Variants in CADPS observed in about 807,000 individuals in gnomAD.
CADPS encodes the protein calcium dependent secretion activator.
A neutral mutation model predicts 167.3 loss-of-function variants in CADPS; 57 were observed. The ratio of observed to expected loss-of-function variants is 0.34; its 90% CI spans 0.28 to 0.42. CADPS has a LOEUF of 0.42. Ranked by LOEUF, CADPS falls within the 20% of genes least tolerant of loss-of-function variation. CADPS has a pLI of 1.00. For missense variants in CADPS, 1,414 were observed against 1,738.1 expected, an observed-to-expected ratio of 0.81 and a Z score of 3.32; for synonymous variants, 676 against 635.3, an observed-to-expected ratio of 1.06 and a Z score of -0.96.
intron 28 of CADPS, among the ~76,000 whole-genome samples, chr3:62,416,427 T>C (rs1220232480): frequency 6.6e-6 from 1 of 152,206 alleles, no homozygotes; most frequent in Admixed American, 6.5e-5. Context: ...TGTCTTTTTA[T>C]TTATTTAAAC....
chr3:62,416,097 C>T (rs1019713382), intron 28 of CADPS, among the ~76,000 whole-genome samples: 2 of 152,066 alleles, frequency 1.3e-5, no homozygotes, highest in African/African-American at 2.4e-5. Context: ...GTCAGAAATA[C>T]CCATTTGCCT....
chr3:62,415,373 C>T (rs1360032851), intron 28 of CADPS, among the ~76,000 whole-genome samples: 4 of 152,004 alleles, frequency 2.6e-5, no homozygotes, highest in Non-Finnish European at 4.4e-5. Context: ...ACCTCCTGTT[C>T]CTTGCCATGA....
chr3:62,743,933 T>C (rs1023894681), intron 3 of CADPS, among the ~76,000 whole-genome samples: 2 of 152,194 alleles, frequency 1.3e-5, no homozygotes, highest in Admixed American at 6.5e-5. Context: ...TCCTAGAGTC[T>C]AGACAGGATC....
intron 6 of CADPS, among the ~76,000 whole-genome samples, chr3:62,632,470 G>T (rs1006486351): frequency 6.6e-6 from 1 of 152,058 alleles, no homozygotes; most frequent in African/African-American, 2.4e-5. Flanking sequence ...AGACTTTTTA[G>T]CGGTTTTATC....
intron 3 of CADPS, among the ~76,000 whole-genome samples, chr3:62,746,558 G>A (rs1433341466): frequency 2.6e-5 from 4 of 152,162 alleles, no homozygotes; most frequent in Middle Eastern, 6.8e-3. Flanking sequence ...GGCTGTTCTC[G>A]AACTTCTGGC....
At chr3:62,849,702 C>T (rs141084462) in intron 1 of CADPS, among the ~76,000 whole-genome samples, 46,069 of 138,158 alleles carry the variant, frequency 0.33, 9,470 homozygotes, top group East Asian at 0.47. Context: ...AGGATTTTTG[C>T]ATCAATGTTC....
At chr3:62,845,491 T>G (rs2077270092) in intron 1 of CADPS, among the ~76,000 whole-genome samples, 2 of 152,210 alleles carry the variant, frequency 1.3e-5, no homozygotes, top group Non-Finnish European at 2.9e-5. Flanking sequence ...AATAAAGTTA[T>G]GAGGCCCACA....
At chr3:62,461,620 A>T (rs934180959) in intron 26 of CADPS, among the ~76,000 whole-genome samples, 1 of 152,182 alleles carries the variant, frequency 6.6e-6, no homozygotes, top group Non-Finnish European at 1.5e-5. Context: ...TGGCTAATGC[A>T]GCTGCTATTT....
intron 13 of CADPS, among the ~76,000 whole-genome samples, chr3:62,519,868 T>C (rs2070020534): frequency 6.6e-6 from 1 of 152,150 alleles, no homozygotes; most frequent in South Asian, 2.1e-4. Flanking sequence ...CCACAAAACA[T>C]GTGATGCTTT....
chr3:62,801,479 C>A (rs1367703701), intron 1 of CADPS, among the ~76,000 whole-genome samples: 1 of 152,090 alleles, frequency 6.6e-6, no homozygotes. Flanking sequence ...CCCAGATAAT[C>A]TTGTCTTTCC....
intron 6 of CADPS, among the ~76,000 whole-genome samples, chr3:62,615,900 C>A (rs1284013835): frequency 6.6e-6 from 1 of 152,168 alleles, no homozygotes; most frequent in South Asian, 2.1e-4. Flanking sequence ...GACAACCCTG[C>A]AACCTTCTGA....
intron 17 of CADPS, among the ~76,000 whole-genome samples, chr3:62,510,661 A>C (rs2067606200): frequency 6.6e-6 from 1 of 152,146 alleles, no homozygotes; most frequent in South Asian, 2.1e-4. Flanking sequence ...TTCTTAAAGC[A>C]TAGTCTGACT....
In CADPS at chr3:62,869,033, G is replaced by C. The variant is rs115462025; in HGVS notation, c.441+5556C>G. On this transcript the variant is annotated intron_variant, in intron 1 of 29. Transcript: ENST00000383710. ...TTATCCTCAGTGCTTGAGAGCAGAAGTGTTTTGAATTTTTAAAGGATTTTA... is the reference window on the plus strand; with the variant it reads ...TTATCCTCAGTGCTTGAGAGCAGAACTGTTTTGAATTTTTAAAGGATTTTA... Among the ~76,000 whole-genome samples the C allele has an allele frequency of 8.8e-3, 1,344 of 152,180 alleles. 8 individuals carry two copies. Among genetic ancestry groups the C allele is most frequent in the Middle Eastern group, 0.071 (21 of 294 alleles).
rs113834537 is a variant in CADPS, at chr3:62,713,688, T to A, written c.888+39753A>T. Among the ~76,000 whole-genome samples, 31 of 152,274 alleles carry A rather than the reference T, an allele frequency of 2.0e-4. 1 individual carries two copies. The highest frequency in any genetic ancestry group is 7.2e-4 in the African/African-American group (30 of 41,556). Reference sequence around the variant, plus strand: ...GCTTGCCATTGAATTCTTTTCTGGGTGAAGCCAAGACCCCTCCTGGGCTAA... The same window carrying A: ...GCTTGCCATTGAATTCTTTTCTGGGAGAAGCCAAGACCCCTCCTGGGCTAA... On this transcript the variant is annotated intron_variant, in intron 3 of 29. Transcript: ENST00000383710.
chr3:62,748,717 A>AT (rs1027404249), intron 3 of CADPS, among the ~76,000 whole-genome samples: 1 of 151,968 alleles, frequency 6.6e-6, no homozygotes, highest in Non-Finnish European at 1.5e-5. Flanking sequence ...TCACTTAAAA[A>AT]TTTTTTTTGA....
chr3:62,608,359 G>A (rs1370443681), intron 6 of CADPS, among the ~76,000 whole-genome samples: 3 of 150,768 alleles, frequency 2.0e-5, no homozygotes, highest in Non-Finnish European at 2.9e-5. Context: ...CTCGGCTCAC[G>A]TCAACCTCCA....
intron 3 of CADPS, among the ~76,000 whole-genome samples, chr3:62,715,895 G>A (rs1387863818): frequency 4.1e-5 from 6 of 147,880 alleles, no homozygotes; most frequent in African/African-American, 7.5e-5. Flanking sequence ...ACAGGCACCC[G>A]CCACCACACC....
At chr3:62,402,538 C>T (rs554840792) in intron 29 of CADPS, among the ~76,000 whole-genome samples, 14 of 152,308 alleles carry the variant, frequency 9.2e-5, no homozygotes, top group Admixed American at 8.5e-4. Context: ...GAAAAAGCTA[C>T]TTTCAGGGTA....
intron 1 of CADPS, among the ~76,000 whole-genome samples, chr3:62,822,817 G>A (rs772333373): frequency 1.3e-5 from 2 of 152,074 alleles, no homozygotes; most frequent in Non-Finnish European, 2.9e-5. Flanking sequence ...ATTCCAGCCT[G>A]TGCGACAGAG....
Sources: gnomAD v4.1 joint callset for allele counts (sites outside exome capture counted in the v4.1 genomes callset) on GRCh38, gnomAD v4.1.1 for gene constraint, MANE v1.5 for transcripts, NCBI Gene and HGNC (gene_info 2026-07-23, HGNC 2026-07-21) for gene names.